Variants in THSD7B observed in about 807,000 individuals in gnomAD.
The protein encoded by THSD7B is thrombospondin type-1 domain-containing protein 7B.
THSD7B carries 138 observed loss-of-function variants against 213.6 expected under a neutral mutation model. The observed-to-expected ratio is 0.65, with a 90% CI of 0.56 to 0.74. THSD7B has a LOEUF of 0.74. Among genes scored for constraint, THSD7B ranks in the 30% least tolerant of loss-of-function variants. The probability of loss-of-function intolerance (pLI) is 0.00; values close to 1 mark genes in which losing one functional copy is unlikely to be tolerated. For synonymous variants in THSD7B, 742 were observed against 687.0 expected (o/e 1.08, Z -1.25); for missense variants, 1,931 against 1,991.5 (o/e 0.97, Z 0.58).
intron 2 of THSD7B, among the ~76,000 whole-genome samples, chr2:137,044,311 C>A (rs572564429): frequency 1.3e-5 from 2 of 152,258 alleles, no homozygotes; most frequent in African/African-American, 4.8e-5. Context: ...TCCAGGAATT[C>A]TTTTTAAAAT....
intron 12 of THSD7B, among the ~76,000 whole-genome samples, chr2:137,335,652 A>G (rs1206677055): frequency 6.6e-6 from 1 of 152,210 alleles, no homozygotes; most frequent in East Asian, 1.9e-4. Context: ...AACCAGCTTA[A>G]GGACAGAGGG....
At chr2:137,109,548 A>G (rs1318858630) in intron 4 of THSD7B, among the ~76,000 whole-genome samples, 3 of 152,198 alleles carry the variant, frequency 2.0e-5, no homozygotes, top group African/African-American at 7.2e-5. Context: ...AGACAGTCCC[A>G]TCTGGGGGTG....
intron 2 of THSD7B, among the ~76,000 whole-genome samples, chr2:136,951,152 G>A (rs570488360): frequency 3.9e-5 from 6 of 152,096 alleles, no homozygotes; most frequent in Non-Finnish European, 8.8e-5. Flanking sequence ...CAGGTGCCAT[G>A]GGACCCTACT....
intron 1 of THSD7B, among the ~76,000 whole-genome samples, chr2:136,881,417 G>A (rs1356345547): frequency 6.6e-6 from 1 of 152,138 alleles, no homozygotes. Flanking sequence ...CCATAGAATT[G>A]ATGAGGCCTT....
In THSD7B at chr2:137,605,648, C is replaced by CTTTTTTTTT. The variant is rs34604281; in HGVS notation, c.3424-10496_3424-10488dup. Among the ~76,000 whole-genome samples, 93 of 69,012 alleles carry CTTTTTTTTT rather than the reference C, an allele frequency of 1.3e-3. 21 individuals are homozygous for CTTTTTTTTT. The highest frequency in any genetic ancestry group is 3.6e-3 in the African/African-American group (64 of 17,590). 45.3% of individuals were successfully genotyped at this position (69,012 alleles called of 152,430 possible). On this transcript the variant is annotated intron_variant, in intron 17 of 27. Coordinates refer to ENST00000409968, the MANE Select transcript of THSD7B (RefSeq NM_001316349.2). ...AAAAAGCATATATTGGCACTTCGCA[C>CTTTTTTTTT]TTTTTTTTTTTTTTTTTTTTTTTTT...
rs1558834546 is a variant in THSD7B at position 137,546,470 on chromosome 2, A to ATTATATATATAT, written c.3139-16750_3139-16749insTATATATATATT. Among the ~76,000 whole-genome samples the ATTATATATATAT allele has an allele frequency of 5.1e-3, 271 of 53,240 alleles. 22 individuals carry two copies. Among genetic ancestry groups the ATTATATATATAT allele is most frequent in the Middle Eastern group, 7.5e-3 (1 of 134 alleles). 34.9% of individuals were successfully genotyped at this position (53,240 alleles called of 152,430 possible). On this transcript the variant is annotated intron_variant, in intron 15 of 27. Coordinates refer to ENST00000409968, the MANE Select transcript of THSD7B (RefSeq NM_001316349.2). Reference sequence around the variant, plus strand: ...TATATATATATTATATATAATATATATATATATAATATATATATATATATA... The same window carrying ATTATATATATAT: ...TATATATATATTATATATAATATATATTATATATATATTATATATAATATATATATATATATA...
Position 136,768,057 on chromosome 2 carries a change from A to G in THSD7B, c.-36+2370A>G, listed in dbSNP as rs1301650686. ...CTACTGTTTGAAGACTGACATTAAC[A>G]AATTGGTAACGAGAGGTACCTTTCT... is the stretch of plus-strand genomic sequence containing the variant. On this transcript the variant is annotated intron_variant, in intron 1 of 27. Transcript: ENST00000409968. Among the ~76,000 whole-genome samples, 3 of 152,210 alleles carry G rather than the reference A, an allele frequency of 2.0e-5. No homozygotes were observed. In the East Asian group the frequency reaches 5.8e-4, roughly 29 times the overall value.
chr2:137,672,782 A>G (rs1404314287), intron 27 of THSD7B, among the ~76,000 whole-genome samples: 1 of 151,574 alleles, frequency 6.6e-6, no homozygotes, highest in Non-Finnish European at 1.5e-5. Context: ...AGAAAATGTC[A>G]AAAAAATAGC....
At chr2:137,303,021 C>T (rs992644784) in intron 12 of THSD7B, among the ~76,000 whole-genome samples, 1 of 151,986 alleles carries the variant, frequency 6.6e-6, no homozygotes, top group African/African-American at 2.4e-5. Flanking sequence ...ATTTTTGAAA[C>T]GAGGGTCTTC....
chr2:136,814,835 T>C (rs7563571), intron 1 of THSD7B, among the ~76,000 whole-genome samples: 73,121 of 151,992 alleles, frequency 0.48, 17,763 homozygotes, highest in Middle Eastern at 0.56. Flanking sequence ...CAAACTATGG[T>C]CAGTTTGGCT....
At chr2:137,390,871 G>A (rs1483994326) in intron 12 of THSD7B, among the ~76,000 whole-genome samples, 3 of 152,068 alleles carry the variant, frequency 2.0e-5, no homozygotes, top group African/African-American at 7.3e-5. Flanking sequence ...TGCATCCCTA[G>A]CAAGAAACCC....
rs1289455461 is a variant in THSD7B, at chr2:137,676,636, A to G, written c.*31A>G. 26 of 1,524,858 alleles carry G rather than the reference A, an allele frequency of 1.7e-5. No individual in the cohort carries two copies. Among genetic ancestry groups the G allele is most frequent in the Non-Finnish European group, 2.2e-5 (25 of 1,137,926 alleles). The allele number at this position is 1,524,858 out of a possible 1,614,324, so 94.5% of individuals were successfully genotyped here. On this transcript the variant is annotated 3_prime_UTR_variant, in exon 28 of 28. Transcript: ENST00000409968. ...AAAAGAAATCCAAATGTAGACATCAACTGCCTTAACCGCTTTCTCTTTTGT... is the reference window on the plus strand; with the variant it reads ...AAAAGAAATCCAAATGTAGACATCAGCTGCCTTAACCGCTTTCTCTTTTGT...
intron 25 of THSD7B, among the ~76,000 whole-genome samples, chr2:137,660,001 AG>A (rs1414423440): frequency 1.9e-4 from 29 of 151,908 alleles, no homozygotes; most frequent in African/African-American, 6.3e-4. Flanking sequence ...TCTATTTACC[AG>A]TAAGTATTCT....
At chr2:137,118,011 G>C (rs1384093651) in intron 5 of THSD7B, among the ~76,000 whole-genome samples, 2 of 152,046 alleles carry the variant, frequency 1.3e-5, no homozygotes, top group Non-Finnish European at 2.9e-5. Flanking sequence ...TGATACTGTT[G>C]TTCATTGTTC....
intron 12 of THSD7B, among the ~76,000 whole-genome samples, chr2:137,386,933 G>T (rs573080287): frequency 6.6e-6 from 1 of 152,206 alleles, no homozygotes; most frequent in East Asian, 1.9e-4. Flanking sequence ...ACAGATCCTC[G>T]CTTTGTTTCT....
intron 17 of THSD7B, among the ~76,000 whole-genome samples, chr2:137,596,452 A>G (rs1431704870): frequency 2.0e-5 from 3 of 152,024 alleles, no homozygotes; most frequent in Non-Finnish European, 4.4e-5. Context: ...TAATTGCCCA[A>G]AACTCCTGAA....
chr2:137,083,866 A>G (rs1687790949), intron 3 of THSD7B, among the ~76,000 whole-genome samples: 1 of 152,196 alleles, frequency 6.6e-6, no homozygotes, highest in Admixed American at 6.5e-5. Flanking sequence ...AATTGGAATA[A>G]GCATGATTTC....
intron 12 of THSD7B, among the ~76,000 whole-genome samples, chr2:137,329,948 T>A (rs1179135355): frequency 1.3e-5 from 2 of 152,192 alleles, no homozygotes; most frequent in East Asian, 3.9e-4. Flanking sequence ...GCCCTCCTGC[T>A]GTATGCAGTC....
intron 15 of THSD7B, chr2:137,538,535 T>C (rs746119464): frequency 2.0e-6 from 1 of 510,626 alleles, no homozygotes; most frequent in East Asian, 5.5e-5. Flanking sequence ...TGTTTTTATT[T>C]AGTGAAAAGA....
Sources: allele counts gnomAD v4.1 joint callset (sites outside exome capture counted in the v4.1 genomes callset), GRCh38; gene constraint gnomAD v4.1.1; transcripts MANE v1.5; gene names NCBI Gene and HGNC (gene_info 2026-07-23, HGNC 2026-07-21).